The following SYNM variants were observed in gnomAD, a reference collection of about 807,000 sequenced individuals.
SYNM encodes synemin.
SYNM carries 95 observed loss-of-function variants against 104.0 expected under a neutral mutation model. That is an observed-to-expected ratio of 0.91 (90% confidence interval 0.77 to 1.08). The LOEUF (loss-of-function observed/expected upper bound fraction) is 1.08. SYNM is among the 50% of genes least tolerant of loss of function. The pLI is 0.00. For missense variants in SYNM, 2,150 were observed against 2,052.2 expected (o/e 1.05, Z -0.92); for synonymous variants, 918 against 869.0 (o/e 1.06, Z -0.99).
At position 99,113,813 on chromosome 15, in the gene SYNM, C is replaced by T; in HGVS notation, c.935+98C>T. On this transcript the variant is annotated intron_variant, in intron 2 of 3. Transcript: ENST00000336292. ...AGGGACCGTAGCCTTTGTGGAGTCACTGTGGCTTTGTGACAAGCAGAGAGC... is the reference window on the plus strand; with the variant it reads ...AGGGACCGTAGCCTTTGTGGAGTCATTGTGGCTTTGTGACAAGCAGAGAGC... 8.0e-6 allele frequency: 12 copies of T among 1,503,450 alleles called. No individual in the cohort carries two copies. The East Asian group carries it at 1.2e-4, about 15-fold the overall frequency. The allele number at this position is 1,503,450 out of a possible 1,614,324, so 93.1% of individuals were successfully genotyped here. A position where few individuals can be genotyped will look rare whatever the true frequency, so the allele number is the denominator to read the frequency against.
Position 99,116,581 on chromosome 15 carries a change from G to A in SYNM, c.935+2866G>A, listed in dbSNP as rs115187790. Among the ~76,000 whole-genome samples, 996 of 144,018 alleles carry A rather than the reference G, an allele frequency of 6.9e-3. 87 individuals carry two copies. Among genetic ancestry groups the A allele is most frequent in the African/African-American group, 0.023 (910 of 40,328 alleles). 94.5% of individuals were successfully genotyped at this position (144,018 alleles called of 152,430 possible). A position where few individuals can be genotyped will look rare whatever the true frequency, so the allele number is the denominator to read the frequency against. On this transcript the variant is annotated intron_variant, in intron 2 of 3. Coordinates refer to ENST00000336292, the MANE Select transcript of SYNM (RefSeq NM_145728.3). ...GGCATCTGCTCCTGGTGAAGCCTCA[G>A]GAAGCATACAGTCATGGTGGAAGGT...
chr15:99,119,501 G>A (rs2067380396), intron 2 of SYNM, among the ~76,000 whole-genome samples: 1 of 152,252 alleles, frequency 6.6e-6, no homozygotes, highest in Non-Finnish European at 1.5e-5. Flanking sequence ...TGATGGAGGA[G>A]AGGGGAAGCA....
downstream of SYNM, among the ~76,000 whole-genome samples, chr15:99,138,759 G>C (rs2067852815): frequency 6.6e-6 from 1 of 152,240 alleles, no homozygotes; most frequent in Non-Finnish European, 1.5e-5. Context: ...GCCCTCAAAG[G>C]GGATGGCGCC....
Position 99,131,760 on chromosome 15 carries a change from G to T in SYNM, c.3400G>T (p.Val1134Phe), listed in dbSNP as rs2067511115. 1 of 1,613,882 alleles carries T rather than the reference G, an allele frequency of 6.2e-7. No individual in the cohort carries two copies. The highest frequency in any genetic ancestry group is 1.3e-5 in the African/African-American group (1 of 74,944). ...ARHIKLGPSEVWRTERMSYEG... is the reference protein window; with the variant it reads ...ARHIKLGPSEFWRTERMSYEG... The stretch of plus-strand genomic sequence containing the variant: ...GCACATAAAACTCGGCCCCTCTGAA[G>T]TCTGGAGGACTGAGCGAATGTCATA... Residue 1134 changes from valine to phenylalanine, a missense_variant, in exon 4 of 4, where the codon GTC becomes TTC. By Grantham distance (50) the Val-to-Phe change is conservative (BLOSUM62 -1). Coordinates refer to ENST00000336292, the MANE Select transcript of SYNM (RefSeq NM_145728.3). This position sits in a 1 kb window ranked among gnomAD's most constrained non-coding sequence, Gnocchi z 4.3.
rs917041573 is a variant in SYNM at position 99,117,140 on chromosome 15, G to C, written c.935+3425G>C. 3.8e-5 allele frequency among the ~76,000 whole-genome samples: 4 copies of C among 104,484 alleles called. 1 individual carries two copies. Among genetic ancestry groups the C allele is most frequent in the Non-Finnish European group, 9.0e-5 (4 of 44,602 alleles). The allele number at this position is 104,484 out of a possible 152,430, so 68.5% of individuals were successfully genotyped here. Reference sequence around the variant, plus strand: ...ACACGGAGGTCACATTTCAACATGAGATTAGGAGAAGACACACATCCAAAC... The same window carrying C: ...ACACGGAGGTCACATTTCAACATGACATTAGGAGAAGACACACATCCAAAC... On this transcript the variant is annotated intron_variant, in intron 2 of 3. Coordinates refer to ENST00000336292, the MANE Select transcript of SYNM (RefSeq NM_145728.3).
chr15:99,110,500 G>A (rs926603069), intron 1 of SYNM, among the ~76,000 whole-genome samples: 1 of 152,120 alleles, frequency 6.6e-6, no homozygotes, highest in Non-Finnish European at 1.5e-5. Flanking sequence ...TAAATACTTC[G>A]TCGGCATCCA....
rs782173721 is a variant in SYNM at position 99,131,597 on chromosome 15, G to C, written c.3237G>C (p.Glu1079Asp). ...ATRELYIPSG[E>D]SEVAGGASHS... ...GGGAGCTGTACATCCCTTCAGGCGA[G>C]AGCGAGGTTGCTGGTGGGGCCTCTC... Residue 1079 changes from glutamate (E) to aspartate (D), a missense_variant, in exon 4 of 4, where the codon GAG (glutamate) becomes GAC (aspartate). Coordinates refer to ENST00000336292, the MANE Select transcript of SYNM (RefSeq NM_145728.3). The surrounding 1 kb of genome is among the most constrained non-coding windows in gnomAD (Gnocchi z 4.3). 1.2e-6 allele frequency: 2 copies of C among 1,610,156 alleles called. No individual in the cohort carries two copies. The highest frequency in any genetic ancestry group is 1.7e-6 in the Non-Finnish European group (2 of 1,179,754).
At position 99,129,184 on chromosome 15, in the gene SYNM, G is replaced by A. The variant is rs1333462710; in HGVS notation, c.1007-183G>A. The A allele has an allele frequency of 6.1e-6, 5 of 813,200 alleles. No homozygotes were observed. In the African/African-American group the frequency reaches 8.7e-5, roughly 14 times the overall value. The allele number at this position is 813,200 out of a possible 1,614,324, so 50.4% of individuals were successfully genotyped here. On this transcript the variant is annotated intron_variant, in intron 3 of 3. Coordinates refer to ENST00000336292, the MANE Select transcript of SYNM (RefSeq NM_145728.3). ...GTAGTGCTACATTTTATTGTAACAG[G>A]ATTTTGTAAACTGCCAAAAAATAAT...
At position 99,131,062 on chromosome 15, in the gene SYNM, A is replaced by T; in HGVS notation, c.2702A>T (p.Asp901Val). Residue 901 changes from aspartate (D) to valine (V), a missense_variant, in exon 4 of 4, where the codon GAC becomes GTC. Transcript: ENST00000336292. This position sits in a 1 kb window ranked among gnomAD's most constrained non-coding sequence, Gnocchi z 4.3. ...LDVPAPSLEGDLGSTHWKEQA... is the reference protein window; with the variant it reads ...LDVPAPSLEGVLGSTHWKEQA... ...GTCCCAGCGCCCTCTCTGGAGGGGG[A>T]CCTGGGTTCCACTCACTGGAAAGAA... 1.2e-6 allele frequency: 2 copies of T among 1,606,388 alleles called. No homozygotes were observed. The highest frequency in any genetic ancestry group is 8.5e-7 in the Non-Finnish European group (1 of 1,176,262).
At position 99,132,939 on chromosome 15, in the gene SYNM, G is replaced by A; in HGVS notation, c.4579G>A (p.Asp1527Asn). Residue 1527 changes from aspartate to asparagine, a missense_variant, in exon 4 of 4, where the codon GAT (aspartate) becomes AAT (asparagine). Coordinates refer to ENST00000336292, the MANE Select transcript of SYNM (RefSeq NM_145728.3). Reference protein sequence around the residue: ...REQGKEQAMFDKKVQLQRMVD... With the variant: ...REQGKEQAMFNKKVQLQRMVD... ...ACAGGGCAAGGAGCAGGCCATGTTT[G>A]ATAAGAAGGTGCAGCTCCAGAGAAT... 1 of 1,613,860 alleles carries A rather than the reference G, an allele frequency of 6.2e-7. No individual in the cohort carries two copies. Among genetic ancestry groups the A allele is most frequent in the South Asian group, 1.1e-5 (1 of 91,044 alleles).
chr15:99,110,230 A>G (rs1165619437), intron 1 of SYNM, among the ~76,000 whole-genome samples: 2 of 152,208 alleles, frequency 1.3e-5, no homozygotes, highest in Non-Finnish European at 2.9e-5. Context: ...TTCACTGCTG[A>G]ATCCGCAGCC....
Position 99,130,776 on chromosome 15 carries a change from A to G in SYNM, c.2416A>G (p.Lys806Glu), listed in dbSNP as rs2067494405. ...TFSVNQHRRT[K>E]QPQENTTHVE... Reference sequence around the variant, plus strand: ...CTCAGTTAATCAGCATCGAAGGACCAAGCAGCCTCAGGAGAACACGACTCA... The same window carrying G: ...CTCAGTTAATCAGCATCGAAGGACCGAGCAGCCTCAGGAGAACACGACTCA... Residue 806 changes from lysine to glutamate, a missense_variant, in exon 4 of 4, where the codon AAG becomes GAG. Physicochemically the swap from Lys to Glu is moderately conservative, Grantham distance 56 (BLOSUM62 1). Transcript: ENST00000336292. 2.5e-6 allele frequency: 4 copies of G among 1,613,910 alleles called. No homozygotes were observed. The highest frequency in any genetic ancestry group is 2.2e-5 in the East Asian group (1 of 44,892).
At position 99,132,147 on chromosome 15, in the gene SYNM, AGGC is replaced by A. The variant is rs1388978571; in HGVS notation, c.3788_3790del (p.Arg1263_Gln1264delinsLys). On this transcript the variant is annotated inframe_deletion, in exon 4 of 4. Transcript: ENST00000336292. Reference sequence around the variant, plus strand: ...GTCAGTGGGTACCCAGACTTCTGTCAGGCAACTCCAGTTAGGCCCTAAAGAAGG... The same window carrying A: ...GTCAGTGGGTACCCAGACTTCTGTCAAACTCCAGTTAGGCCCTAAAGAAGG... The A allele has an allele frequency of 6.2e-7, 1 of 1,613,934 alleles. No homozygotes were observed. Among genetic ancestry groups the A allele is most frequent in the Non-Finnish European group, 8.5e-7 (1 of 1,179,914 alleles).
intron 3 of SYNM, 148 bp downstream of exon 3, chr15:99,126,940 A>T (rs1162083053): frequency 1.5e-6 from 1 of 680,702 alleles, no homozygotes; most frequent in Non-Finnish European, 2.4e-6. Context: ...TACCAAATAG[A>T]TTTTAGTTTA....
In SYNM at chr15:99,129,667, G is replaced by T. The variant is rs1466723416; in HGVS notation, c.1307G>T (p.Arg436Ile). The change falls in exon 4 of 4, where the codon AGA becomes ATA. Residue 436 changes from arginine (R) to isoleucine (I), a missense_variant. Transcript: ENST00000336292. Reference protein sequence around the residue: ...RTFSPTYGLLRNTEAQVKTFP... With the variant: ...RTFSPTYGLLINTEAQVKTFP... ...TTCTCTCCAACCTATGGCCTTTTAAGAAATACTGAGGCTCAAGTGAAAACA... is the reference window on the plus strand; with the variant it reads ...TTCTCTCCAACCTATGGCCTTTTAATAAATACTGAGGCTCAAGTGAAAACA... The T allele has an allele frequency of 6.2e-7, 1 of 1,613,818 alleles. No individual in the cohort carries two copies. Among genetic ancestry groups the T allele is most frequent in the African/African-American group, 1.3e-5 (1 of 74,926 alleles).
At position 99,131,456 on chromosome 15, in the gene SYNM, G is replaced by T. The variant is rs1555485890; in HGVS notation, c.3096G>T (p.Glu1032Asp). 6.2e-7 allele frequency: 1 copy of T among 1,607,640 alleles called. No homozygotes were observed. The change falls in exon 4 of 4, where the codon GAG (glutamate) becomes GAT (aspartate). Residue 1032 changes from glutamate (E) to aspartate (D), a missense_variant. Transcript: ENST00000336292. This position sits in a 1 kb window ranked among gnomAD's most constrained non-coding sequence, Gnocchi z 4.3. ...CCAGTGAGATGGAGAAGGCTGTGGAGTCGGTGGTTCGGGAGAGCCTGAGCA... is the reference window on the plus strand; with the variant it reads ...CCAGTGAGATGGAGAAGGCTGTGGATTCGGTGGTTCGGGAGAGCCTGAGCA... Reference protein sequence around the residue: ...DEASEMEKAVESVVRESLSRQ... With the variant: ...DEASEMEKAVDSVVRESLSRQ...
At position 99,105,664 on chromosome 15, in the gene SYNM, G is replaced by A. The variant is rs1221080076; in HGVS notation, c.465G>A (p.Leu155=). 3 of 1,330,404 alleles carry A rather than the reference G, an allele frequency of 2.3e-6. No individual in the cohort carries two copies. Among genetic ancestry groups the A allele is most frequent in the Non-Finnish European group, 2.9e-6 (3 of 1,024,364 alleles). 82.4% of individuals were successfully genotyped at this position (1,330,404 alleles called of 1,614,324 possible). ...CCCACGAACGCGACGTGAGGGAGCT[G>A]CGCGCGCGCGCCGCCAGCCTTACCA... ...DAAHERDVRE[L]RARAASLTMH... The change falls in exon 1 of 4, where the codon CTG becomes CTA. Residue 155 remains leucine (L), a synonymous_variant. Coordinates refer to ENST00000336292, the MANE Select transcript of SYNM (RefSeq NM_145728.3).
chr15:99,112,677 C>G (rs1214496402), intron 1 of SYNM, among the ~76,000 whole-genome samples: 4 of 152,196 alleles, frequency 2.6e-5, no homozygotes, highest in Non-Finnish European at 5.9e-5. Context: ...ACTAGCTGCA[C>G]TGTGCAATTA....
intron 2 of SYNM, among the ~76,000 whole-genome samples, chr15:99,115,156 G>C (rs955332779): frequency 6.6e-6 from 1 of 152,162 alleles, no homozygotes; most frequent in Non-Finnish European, 1.5e-5. Flanking sequence ...GTGTAAAAAG[G>C]GCACAGTGCC....
Sources: gnomAD v4.1 joint callset for allele counts (sites outside exome capture counted in the v4.1 genomes callset) on GRCh38, gnomAD v4.1.1 for gene constraint, Gnocchi (gnomAD v3.1) non-coding constraint, MANE v1.5 for transcripts, NCBI Gene and HGNC (gene_info 2026-07-23, HGNC 2026-07-21) for gene names.